Variants in RGS6 observed in about 807,000 individuals in gnomAD.
RGS6 encodes regulator of G protein signaling 6, also known as regulator of G-protein signaling 6.
Under a neutral mutation model 78.5 loss-of-function variants are expected in RGS6, and 30 were observed. The ratio of observed to expected loss-of-function variants is 0.38; its 90% CI spans 0.29 to 0.52. The LOEUF (loss-of-function observed/expected upper bound fraction) is 0.52. Among genes scored for constraint, RGS6 ranks in the 20% least tolerant of loss-of-function variants. The pLI, the probability that RGS6 is intolerant of heterozygous loss-of-function variation, is 0.85. For synonymous variants in RGS6, 206 were observed against 206.0 expected, an observed-to-expected ratio of 1.00 and a Z score of 0.00; for missense variants, 495 against 609.7, an observed-to-expected ratio of 0.81 and a Z score of 1.98.
At chr14:72,100,315 G>A (rs945341434) in intron 2 of RGS6, among the ~76,000 whole-genome samples, 11 of 152,074 alleles carry the variant, frequency 7.2e-5, no homozygotes, top group African/African-American at 2.4e-4. Flanking sequence ...GACCAGCCTG[G>A]CCAACATGGT....
rs1476077648 is a variant in RGS6, at chr14:72,318,895, G to A, written c.85-33200G>A. 5.3e-5 allele frequency among the ~76,000 whole-genome samples: 8 copies of A among 152,268 alleles called. No individual in the cohort carries two copies. The East Asian group carries it at 1.5e-3, about 29-fold the overall frequency. ...GTTGTGGCACTACGGCAGCCTGTTG[G>A]CCGAGAAGAAGCAGTGGCTAAAATA... On this transcript the variant is annotated intron_variant, in intron 2 of 17. Transcript: ENST00000553525.
chr14:72,487,652 T>G (rs181684200), intron 12 of RGS6, among the ~76,000 whole-genome samples: 116 of 152,314 alleles, frequency 7.6e-4, no homozygotes, highest in Non-Finnish European at 1.2e-3. Context: ...AGCCAAGGAA[T>G]GCAGGGAGCC....
intron 2 of RGS6, among the ~76,000 whole-genome samples, chr14:72,184,706 C>T (rs2097216757): frequency 6.6e-6 from 1 of 152,038 alleles, no homozygotes; most frequent in Non-Finnish European, 1.5e-5. Context: ...GTCTAATTTG[C>T]CTTTCTGTCA....
chr14:72,594,149 T>C, the RGS6 span, among the ~76,000 whole-genome samples: 64,503 of 151,964 alleles, frequency 0.42, 14,750 homozygotes, highest in East Asian at 0.76. Flanking sequence ...TTTTTGACCC[T>C]TACTTTACAG....
At chr14:72,018,949 G>C (rs2087719409) in intron 2 of RGS6, among the ~76,000 whole-genome samples, 1 of 152,144 alleles carries the variant, frequency 6.6e-6, no homozygotes, top group Non-Finnish European at 1.5e-5. Context: ...GGAGGTGAGT[G>C]TGAATGTGTG....
At chr14:72,484,827 T>C (rs1478393612) in intron 12 of RGS6, among the ~76,000 whole-genome samples, 1 of 152,146 alleles carries the variant, frequency 6.6e-6, no homozygotes, top group Non-Finnish European at 1.5e-5. Flanking sequence ...CTAACAACTC[T>C]CTGAGATCCA....
chr14:72,096,704 G>T (rs1021611425), intron 2 of RGS6, among the ~76,000 whole-genome samples: 1 of 152,138 alleles, frequency 6.6e-6, no homozygotes, highest in African/African-American at 2.4e-5. Flanking sequence ...TCTGGTGGCT[G>T]GGTTCTGAGG....
chr14:71,888,670 A>C, the RGS6 span, among the ~76,000 whole-genome samples: 1 of 151,798 alleles, frequency 6.6e-6, no homozygotes, highest in East Asian at 1.9e-4. Context: ...AAAAAAAAAT[A>C]GGTGGTCAAG....
intron 3 of RGS6, among the ~76,000 whole-genome samples, chr14:72,431,525 ATTTATTTTATTTTATTTTAT>A (rs56081815): frequency 8.7e-4 from 128 of 147,638 alleles, no homozygotes; most frequent in African/African-American, 2.9e-3. Flanking sequence ...ATTTTGTTTT[ATTTATTTTATTTTATTTTAT>A]TTTATTTTAT....
chr14:72,432,188 T>G (rs150923277), intron 3 of RGS6, among the ~76,000 whole-genome samples: 105 of 152,250 alleles, frequency 6.9e-4, no homozygotes, highest in African/African-American at 2.3e-3. Flanking sequence ...GAGCCAGGGT[T>G]ATAAGGGACA....
intron 8 of RGS6, among the ~76,000 whole-genome samples, chr14:72,471,122 A>G (rs1311027354): frequency 6.6e-6 from 1 of 152,132 alleles, no homozygotes; most frequent in East Asian, 1.9e-4. Context: ...AACTTCTTCA[A>G]TTTCTTCTTT....
intron 3 of RGS6, among the ~76,000 whole-genome samples, chr14:72,355,212 A>G (rs1385580476): frequency 7.9e-6 from 1 of 126,072 alleles, no homozygotes; most frequent in Admixed American, 8.1e-5. Flanking sequence ...TTTTTTTTTT[A>G]GACAGAGTCT....
chr14:72,190,954 G>C (rs1054411194), intron 2 of RGS6, among the ~76,000 whole-genome samples: 2 of 152,144 alleles, frequency 1.3e-5, no homozygotes, highest in Non-Finnish European at 2.9e-5. Flanking sequence ...TAGAAATAGA[G>C]TTCCCTTTCA....
At chr14:72,438,564 C>G (rs2095047613) in intron 3 of RGS6, among the ~76,000 whole-genome samples, 1 of 152,196 alleles carries the variant, frequency 6.6e-6, no homozygotes, top group South Asian at 2.1e-4. Flanking sequence ...AGCTAGAAAC[C>G]TGGAGTCACT....
chr14:72,440,197 G>T (rs2095131194), intron 3 of RGS6, among the ~76,000 whole-genome samples: 1 of 152,068 alleles, frequency 6.6e-6, no homozygotes, highest in African/African-American at 2.4e-5. Flanking sequence ...AACCATAGAG[G>T]ACCAAAATCA....
intron 17 of RGS6, among the ~76,000 whole-genome samples, chr14:72,546,551 T>C (rs1490242358): frequency 2.0e-5 from 3 of 152,126 alleles, no homozygotes; most frequent in Non-Finnish European, 4.4e-5. Flanking sequence ...GCAGCCAAAA[T>C]GCTCTCCCCA....
chr14:71,939,704 T>C (rs1299267625), intron 1 of RGS6, among the ~76,000 whole-genome samples: 1 of 152,230 alleles, frequency 6.6e-6, no homozygotes, highest in African/African-American at 2.4e-5. Flanking sequence ...CATCACCACT[T>C]GGTTAAACTT....
chr14:72,600,177 T>TGCCCA, the RGS6 span, among the ~76,000 whole-genome samples: 1 of 151,972 alleles, frequency 6.6e-6, no homozygotes, highest in Non-Finnish European at 1.5e-5. Context: ...TCTCCCCCTC[T>TGCCCA]GCCCAGCCCA....
intron 3 of RGS6, among the ~76,000 whole-genome samples, chr14:72,405,274 T>C (rs564137119): frequency 6.6e-6 from 1 of 152,286 alleles, no homozygotes; most frequent in East Asian, 1.9e-4. Context: ...GAGGGTAGCA[T>C]GGAAAAGAGA....
Sources: gnomAD v4.1 joint callset for allele counts (sites outside exome capture counted in the v4.1 genomes callset) on GRCh38, gnomAD v4.1.1 for gene constraint, MANE v1.5 for transcripts, NCBI Gene and HGNC (gene_info 2026-07-23, HGNC 2026-07-21) for gene names.